HUNK: variants seen among roughly 807,000 people sequenced by gnomAD.
HUNK encodes the protein hormonally up-regulated Neu-associated kinase.
Under a neutral mutation model 61.0 loss-of-function variants are expected in HUNK, and 21 were observed. That is an observed-to-expected ratio of 0.34 (90% CI 0.24 to 0.50). The LOEUF is 0.50. Among genes scored for constraint, HUNK ranks in the 20% least tolerant of loss-of-function variants. The probability of loss-of-function intolerance (pLI) is 0.98; values close to 1 mark genes in which losing one functional copy is unlikely to be tolerated. For missense variants in HUNK, 772 were observed against 945.7 expected, an observed-to-expected ratio of 0.82 and a Z score of 2.41; for synonymous variants, 371 against 386.1, an observed-to-expected ratio of 0.96 and a Z score of 0.46.
intron 1 of HUNK, among the ~76,000 whole-genome samples, chr21:31,896,238 AACT>A (rs2052424034): frequency 6.6e-6 from 1 of 152,198 alleles, no homozygotes; most frequent in Admixed American, 6.5e-5. Context: ...AGCCCGGGCC[AACT>A]AATACACTCT....
intron 1 of HUNK, among the ~76,000 whole-genome samples, chr21:31,913,007 C>A (rs2052556871): frequency 6.6e-6 from 1 of 152,176 alleles, no homozygotes; most frequent in African/African-American, 2.4e-5. Flanking sequence ...TTATACTGGC[C>A]TCCTGTAGTG....
chr21:31,902,255 A>G (rs1398866276), intron 1 of HUNK, among the ~76,000 whole-genome samples: 2 of 152,180 alleles, frequency 1.3e-5, no homozygotes, highest in East Asian at 3.9e-4. Flanking sequence ...TCACACCTGT[A>G]ATCCCAGCAC....
At chr21:31,885,178 G>C (rs1042301600) in intron 1 of HUNK, among the ~76,000 whole-genome samples, 2 of 152,320 alleles carry the variant, frequency 1.3e-5, no homozygotes, top group Non-Finnish European at 2.9e-5. Flanking sequence ...AAAGAGAAAG[G>C]GGGAATATCG....
intron 1 of HUNK, among the ~76,000 whole-genome samples, chr21:31,920,981 G>A (rs905238733): frequency 3.3e-5 from 5 of 151,912 alleles, no homozygotes; most frequent in African/African-American, 1.2e-4. Context: ...GCCAAACCCT[G>A]TCTCTACTAA....
At chr21:31,919,001 C>T (rs12626408) in intron 1 of HUNK, among the ~76,000 whole-genome samples, 8,046 of 105,068 alleles carry the variant, frequency 0.077, 191 homozygotes, top group Non-Finnish European at 0.095. Context: ...CTGGACTGAG[C>T]GGTATGAGGA....
At chr21:31,940,393 G>A (rs965311094) in intron 3 of HUNK, among the ~76,000 whole-genome samples, 173 bp downstream of exon 3, 1 of 152,076 alleles carries the variant, frequency 6.6e-6, no homozygotes, top group Non-Finnish European at 1.5e-5. Context: ...GTGTTTCCTT[G>A]TCTTATTCAA....
intron 8 of HUNK, among the ~76,000 whole-genome samples, chr21:31,986,581 A>C (rs1310330346): frequency 4.6e-5 from 7 of 152,010 alleles, no homozygotes; most frequent in African/African-American, 1.7e-4. Context: ...GACTCCGTGC[A>C]TGGTCGCCCT....
intron 10 of HUNK, among the ~76,000 whole-genome samples, chr21:31,996,698 T>C (rs1410180359): frequency 6.6e-6 from 1 of 152,194 alleles, no homozygotes; most frequent in Non-Finnish European, 1.5e-5. Context: ...GAGACACTTC[T>C]TGGAGTTCAA....
intron 6 of HUNK, among the ~76,000 whole-genome samples, chr21:31,970,122 G>A (rs113435982): frequency 1.3e-5 from 2 of 152,282 alleles, no homozygotes; most frequent in African/African-American, 4.8e-5. Flanking sequence ...AGAAAGGGGT[G>A]TCCTGTGTGG....
At chr21:31,991,740 C>T (rs1231421199) in intron 9 of HUNK, among the ~76,000 whole-genome samples, 1 of 152,190 alleles carries the variant, frequency 6.6e-6, no homozygotes, top group Non-Finnish European at 1.5e-5. Context: ...AAGCCCATGT[C>T]GAACTGGACT....
intron 1 of HUNK, among the ~76,000 whole-genome samples, chr21:31,899,559 G>A (rs2052449041): frequency 6.6e-6 from 1 of 152,116 alleles, no homozygotes; most frequent in South Asian, 2.1e-4. Context: ...CTTCAAATAA[G>A]GTCACATTCT....
intron 7 of HUNK, among the ~76,000 whole-genome samples, chr21:31,975,038 C>T (rs966030118): frequency 6.6e-6 from 1 of 151,826 alleles, no homozygotes; most frequent in Non-Finnish European, 1.5e-5. Flanking sequence ...CTTTGGGTTC[C>T]CCATGTTGGA....
At chr21:31,919,260 G>C (rs536633295) in intron 1 of HUNK, among the ~76,000 whole-genome samples, 57 of 152,192 alleles carry the variant, frequency 3.7e-4, no homozygotes, top group Non-Finnish European at 6.9e-4. Flanking sequence ...GGGTTTCCAG[G>C]GGGTATTTCC....
At chr21:31,973,524 G>C (rs1180956809) in intron 6 of HUNK, among the ~76,000 whole-genome samples, 1 of 152,088 alleles carries the variant, frequency 6.6e-6, no homozygotes, top group Non-Finnish European at 1.5e-5. Context: ...CACTCCCTTA[G>C]AGCCCTCCCC....
intron 8 of HUNK, 104 bp downstream of exon 8, chr21:31,983,713 A>G: frequency 1.3e-6 from 1 of 792,052 alleles, no homozygotes; most frequent in Middle Eastern, 3.6e-4. Flanking sequence ...TGAAGTAGCA[A>G]AAGACACATA....
intron 1 of HUNK, among the ~76,000 whole-genome samples, chr21:31,923,990 A>G (rs1172174388): frequency 6.6e-6 from 1 of 152,100 alleles, no homozygotes; most frequent in African/African-American, 2.4e-5. Flanking sequence ...TCCCCCAACC[A>G]TGCCTTGGAA....
chr21:31,923,574 CGAGG>C (rs574044016), intron 1 of HUNK, among the ~76,000 whole-genome samples: 2,939 of 62,864 alleles, frequency 0.047, 78 homozygotes, highest in African/African-American at 0.11. Context: ...AGGAAGGAAG[CGAGG>C]GAGGGAGGGA....
chr21:31,897,366 C>T (rs1044394869), intron 1 of HUNK, among the ~76,000 whole-genome samples: 5 of 152,198 alleles, frequency 3.3e-5, no homozygotes, highest in East Asian at 1.9e-4. Flanking sequence ...TGGTTCCCTC[C>T]GAGGGCTGCA....
intron 4 of HUNK, among the ~76,000 whole-genome samples, chr21:31,950,513 G>T (rs2052842113): frequency 6.6e-6 from 1 of 152,100 alleles, no homozygotes; most frequent in Admixed American, 6.5e-5. Context: ...GCAAAAGGCT[G>T]GTAGGTGTGA....
Sources: allele counts gnomAD v4.1 joint callset (sites outside exome capture counted in the v4.1 genomes callset), GRCh38; gene constraint gnomAD v4.1.1; transcripts MANE v1.5; gene names NCBI Gene and HGNC (gene_info 2026-07-23, HGNC 2026-07-21).